Variants in CAMTA1 observed in about 807,000 individuals in gnomAD.
CAMTA1 encodes calmodulin-binding transcription activator 1.
In CAMTA1, 27 loss-of-function variants were observed where a neutral mutation model predicts 170.9. The observed-to-expected ratio is 0.16, with a 90% CI of 0.12 to 0.22. CAMTA1 has a LOEUF of 0.22. CAMTA1 is among the 10% of genes least tolerant of loss of function. CAMTA1 has a pLI of 1.00. For synonymous variants in CAMTA1, 833 were observed against 891.5 expected (o/e 0.93, Z 1.17); for missense variants, 1,619 against 2,217.2 (o/e 0.73, Z 5.42).
intron 3 of CAMTA1, among the ~76,000 whole-genome samples, chr1:6,976,334 A>C (rs1693421390): frequency 6.6e-6 from 1 of 152,114 alleles, no homozygotes; most frequent in South Asian, 2.1e-4. Context: ...CGGATCTGGC[A>C]CTTCTGGCCT....
At chr1:6,828,496 TG>T (rs1375157162) in intron 3 of CAMTA1, among the ~76,000 whole-genome samples, 1 of 152,024 alleles carries the variant, frequency 6.6e-6, no homozygotes, top group Non-Finnish European at 1.5e-5. Flanking sequence ...TTTACCATGT[TG>T]GCCAGGATGG....
intron 7 of CAMTA1, among the ~76,000 whole-genome samples, chr1:7,655,606 A>G (rs1558066583): frequency 2.8e-5 from 4 of 144,612 alleles, no homozygotes; most frequent in African/African-American, 7.9e-5. Flanking sequence ...ACACACACCT[A>G]TACACACCCA....
At chr1:7,666,706 G>A (rs2096004585) in intron 9 of CAMTA1, among the ~76,000 whole-genome samples, 5 of 152,172 alleles carry the variant, frequency 3.3e-5, no homozygotes. Flanking sequence ...CACCAAAGAA[G>A]GGGGCTCATA....
intron 7 of CAMTA1, among the ~76,000 whole-genome samples, chr1:7,656,093 G>C (rs1183219407): frequency 6.6e-6 from 1 of 152,186 alleles, no homozygotes; most frequent in Admixed American, 6.5e-5. Flanking sequence ...CTTGATATTG[G>C]ACTTCCCAGC....
intron 6 of CAMTA1, among the ~76,000 whole-genome samples, chr1:7,636,726 A>G (rs1477125974): frequency 6.6e-6 from 1 of 150,996 alleles, no homozygotes; most frequent in Non-Finnish European, 1.5e-5. Context: ...AAAAAAAGGA[A>G]GGCTTCCCTG....
At chr1:7,613,908 C>T (rs2095541104) in intron 6 of CAMTA1, among the ~76,000 whole-genome samples, 2 of 127,180 alleles carry the variant, frequency 1.6e-5, no homozygotes, top group South Asian at 5.2e-4. Flanking sequence ...CCTAGAGTGT[C>T]AGGTGGGAGG....
chr1:7,733,641 G>T (rs964013780), intron 12 of CAMTA1, among the ~76,000 whole-genome samples: 1 of 151,138 alleles, frequency 6.6e-6, no homozygotes, highest in Non-Finnish European at 1.5e-5. Context: ...GGAACTGATG[G>T]TATTTCTTAT....
In CAMTA1 at chr1:7,234,520, C is replaced by G. The variant is rs1466708641; in HGVS notation, c.303-14971C>G. The stretch of plus-strand genomic sequence containing the variant: ...GGCAGGGCTGTGGCACCCTCAGCAC[C>G]CGGCGTGAATGCTCAGCCGTGATAG... On this transcript the variant is annotated intron_variant, in intron 4 of 22. Coordinates refer to ENST00000303635, the MANE Select transcript of CAMTA1 (RefSeq NM_015215.4). The surrounding 1 kb of genome is among the most constrained non-coding windows in gnomAD (Gnocchi z 5.0). Among the ~76,000 whole-genome samples the G allele has an allele frequency of 6.6e-6, 1 of 152,194 alleles. No individual in the cohort carries two copies. The highest frequency in any genetic ancestry group is 1.5e-5 in the Non-Finnish European group (1 of 68,044).
At chr1:7,632,107 G>A (rs2095673735) in intron 6 of CAMTA1, among the ~76,000 whole-genome samples, 1 of 152,188 alleles carries the variant, frequency 6.6e-6, no homozygotes, top group Non-Finnish European at 1.5e-5. Flanking sequence ...CGTTTCACAG[G>A]CTCCTACCCT....
At chr1:6,989,397 C>T (rs545165834) in intron 3 of CAMTA1, among the ~76,000 whole-genome samples, 2 of 152,328 alleles carry the variant, frequency 1.3e-5, no homozygotes, top group African/African-American at 2.4e-5. Context: ...CGTGGCCGCT[C>T]TCTTGTCATG....
chr1:7,323,507 C>CTTTTTTTTTTTTTTTTTTTTTTTTTTT (rs56382342), intron 5 of CAMTA1, among the ~76,000 whole-genome samples: 1 of 108,998 alleles, frequency 9.2e-6, no homozygotes, highest in Non-Finnish European at 1.7e-5. Context: ...CTTTATTCTT[C>CTTTTTTTTTTTTTTTTTTTTTTTTTTT]TTTTTTTTTT....
chr1:6,847,930 C>T (rs1658909846), intron 3 of CAMTA1, among the ~76,000 whole-genome samples: 1 of 148,394 alleles, frequency 6.7e-6, no homozygotes, highest in Non-Finnish European at 1.5e-5. Context: ...TCAGGCTGGT[C>T]TTGAACTCCT....
At chr1:6,786,504 T>C (rs1466085272) in intron 1 of CAMTA1, among the ~76,000 whole-genome samples, 1 of 152,164 alleles carries the variant, frequency 6.6e-6, no homozygotes, top group African/African-American at 2.4e-5. Context: ...TTGACCCTTT[T>C]TGCCAGGACA....
rs560369574 is a variant in CAMTA1, at chr1:7,664,228, A to T, written c.1681A>T (p.Thr561Ser). The change falls in exon 9 of 23, where the codon ACC becomes TCC. Residue 561 changes from threonine (T) to serine (S), a missense_variant. Transcript: ENST00000303635. ...GGCGGCTGTGGCAGCCAGCTCCCTC[A>T]CCCTGACCGCCGGCTCCAGCCTCCT... The part of the protein sequence containing the change: ...SAAAVAASSL[T>S]LTAGSSLLPS... 52 of 1,612,290 alleles carry T rather than the reference A, an allele frequency of 3.2e-5. No homozygotes were observed. The highest frequency in any genetic ancestry group is 2.3e-4 in the South Asian group (21 of 91,064).
chr1:7,371,049 T>C (rs1399714886), intron 5 of CAMTA1, among the ~76,000 whole-genome samples: 28 of 151,460 alleles, frequency 1.8e-4, no homozygotes, highest in South Asian at 8.4e-4. Context: ...GTAGCTGGGA[T>C]TACAGGTGCC....
intron 6 of CAMTA1, among the ~76,000 whole-genome samples, chr1:7,486,194 G>A (rs1463671200): frequency 6.6e-6 from 1 of 151,802 alleles, no homozygotes; most frequent in African/African-American, 2.4e-5. Context: ...GCAAAGCAGT[G>A]GTATGCTGGA....
intron 3 of CAMTA1, among the ~76,000 whole-genome samples, chr1:7,076,318 C>A (rs1053242344): frequency 2.0e-5 from 3 of 152,152 alleles, no homozygotes; most frequent in African/African-American, 7.2e-5. Context: ...AGCAAGCTCC[C>A]TTTTTATGGC....
rs540525856 is a variant in CAMTA1 at position 6,891,043 on chromosome 1, T to A, written c.234+65833T>A. ...CTGTGTCAAGAGAGAGTTGTGAGGA[T>A]GATGTGAGATGATGTGTCTGAGAGT... On this transcript the variant is annotated intron_variant, in intron 3 of 22. Coordinates refer to ENST00000303635, the MANE Select transcript of CAMTA1 (RefSeq NM_015215.4). 2.3e-3 allele frequency among the ~76,000 whole-genome samples: 353 copies of A among 152,308 alleles called. 1 individual carries two copies. The highest frequency in any genetic ancestry group is 3.7e-3 in the Non-Finnish European group (252 of 68,018).
chr1:6,892,404 G>A (rs1424747843), intron 3 of CAMTA1, among the ~76,000 whole-genome samples: 1 of 152,144 alleles, frequency 6.6e-6, no homozygotes, highest in Non-Finnish European at 1.5e-5. Flanking sequence ...TTGTGCTAGA[G>A]ATAAACCTTG....
Sources: allele counts gnomAD v4.1 joint callset (sites outside exome capture counted in the v4.1 genomes callset), GRCh38; gene constraint gnomAD v4.1.1; non-coding constraint Gnocchi (gnomAD v3.1); transcripts MANE v1.5; gene names NCBI Gene and HGNC (gene_info 2026-07-23, HGNC 2026-07-21).